TMEM163: variants seen among roughly 807,000 people sequenced by gnomAD.
TMEM163 encodes transmembrane protein 163.
A neutral mutation model predicts 29.3 loss-of-function variants in TMEM163; 17 were observed. That is an observed-to-expected ratio of 0.58 (90% CI 0.40 to 0.87). The LOEUF (loss-of-function observed/expected upper bound fraction) is 0.87, where lower values mean the gene tolerates loss of function less well. TMEM163 is among the 40% of genes least tolerant of loss of function. The pLI, the probability that TMEM163 is intolerant of heterozygous loss-of-function variation, is 0.00. For missense variants in TMEM163, 303 were observed against 381.5 expected, an observed-to-expected ratio of 0.79 and a Z score of 1.71; for synonymous variants, 157 against 160.6, an observed-to-expected ratio of 0.98 and a Z score of 0.17.
intron 4 of TMEM163, among the ~76,000 whole-genome samples, chr2:134,514,039 G>A (rs138884113): frequency 2.1e-3 from 313 of 152,302 alleles, no homozygotes; most frequent in African/African-American, 6.4e-3. Context: ...GAAGCATGCC[G>A]CGTCTTTCCA....
chr2:134,487,675 G>A (rs1352340532), intron 5 of TMEM163, among the ~76,000 whole-genome samples: 2 of 152,134 alleles, frequency 1.3e-5, no homozygotes, highest in African/African-American at 2.4e-5. Context: ...AATGACTCTA[G>A]AACAAAATGG....
chr2:134,484,417 A>T (rs1679268153), intron 5 of TMEM163, among the ~76,000 whole-genome samples: 1 of 151,980 alleles, frequency 6.6e-6, no homozygotes, highest in African/African-American at 2.4e-5. Context: ...GGTGGCTTAC[A>T]CCCATAATTC....
intron 5 of TMEM163, among the ~76,000 whole-genome samples, chr2:134,484,852 C>T (rs928180445): frequency 1.3e-5 from 2 of 152,184 alleles, no homozygotes; most frequent in Non-Finnish European, 2.9e-5. Flanking sequence ...CAAGCAGCAG[C>T]AACCTGCACA....
chr2:134,697,765 CAT>C (rs1207455548), intron 2 of TMEM163, among the ~76,000 whole-genome samples: 1 of 152,070 alleles, frequency 6.6e-6, no homozygotes, highest in African/African-American at 2.4e-5. Context: ...AAAATAAACA[CAT>C]GTGGTGAGCA....
chr2:134,571,244 T>C (rs1361987603), intron 2 of TMEM163, among the ~76,000 whole-genome samples: 2 of 152,194 alleles, frequency 1.3e-5, no homozygotes, highest in African/African-American at 4.8e-5. Flanking sequence ...AACAGAATAA[T>C]GGCTGAAATG....
At chr2:134,652,728 CTAAT>C (rs1318031031) in intron 2 of TMEM163, among the ~76,000 whole-genome samples, 1 of 130,826 alleles carries the variant, frequency 7.6e-6, no homozygotes, top group Middle Eastern at 3.5e-3. Context: ...CCATCAATAC[CTAAT>C]TTATTGAGAG....
At chr2:134,565,095 A>AG (rs1396286822) in intron 2 of TMEM163, among the ~76,000 whole-genome samples, 6 of 151,900 alleles carry the variant, frequency 3.9e-5, no homozygotes, top group Middle Eastern at 6.8e-3. Flanking sequence ...AAAATTAGCC[A>AG]GGTGTGGTAG....
intron 2 of TMEM163, among the ~76,000 whole-genome samples, chr2:134,626,094 CTTTTTTTTTT>C (rs146008537): frequency 6.0e-5 from 4 of 66,262 alleles, no homozygotes; most frequent in Admixed American, 2.1e-4. Flanking sequence ...ACTTTTCCAG[CTTTTTTTTTT>C]TTTTTTTTTT....
At chr2:134,466,383 G>A in intron 5 of TMEM163, 158 bp from the exon 6 acceptor site, 1 of 574,374 alleles carries the variant, frequency 1.7e-6, no homozygotes, top group Non-Finnish European at 3.1e-6. Flanking sequence ...CCTCAGTTAT[G>A]TGTCACCAGG....
intron 2 of TMEM163, among the ~76,000 whole-genome samples, chr2:134,638,547 C>T (rs1447090488): frequency 1.3e-5 from 2 of 151,974 alleles, no homozygotes; most frequent in Admixed American, 1.3e-4. Context: ...ATTTAGGAGG[C>T]GCTAGCAATG....
At chr2:134,546,699 G>A (rs1174207961) in intron 4 of TMEM163, among the ~76,000 whole-genome samples, 1 of 150,432 alleles carries the variant, frequency 6.6e-6, no homozygotes, top group African/African-American at 2.5e-5. Context: ...TGTAGTCCCA[G>A]CTACTTGGGA....
intron 2 of TMEM163, among the ~76,000 whole-genome samples, chr2:134,602,231 A>C (rs891700519): frequency 3.3e-5 from 5 of 152,180 alleles, no homozygotes; most frequent in African/African-American, 1.2e-4. Context: ...TTAGATGTGC[A>C]CCAATTCCAT....
intron 2 of TMEM163, among the ~76,000 whole-genome samples, chr2:134,574,346 G>GC (rs1681498417): frequency 6.6e-6 from 1 of 152,188 alleles, no homozygotes; most frequent in Admixed American, 6.5e-5. Context: ...GGATGCCTGA[G>GC]CCCAGTAGTT....
intron 2 of TMEM163, among the ~76,000 whole-genome samples, chr2:134,626,356 C>T (rs1042042760): frequency 3.9e-5 from 6 of 152,060 alleles, no homozygotes; most frequent in Non-Finnish European, 8.8e-5. Flanking sequence ...CTGCCTGCCT[C>T]GGCCTCCCAA....
At chr2:134,718,381 C>T (rs1573561016) in intron 1 of TMEM163, among the ~76,000 whole-genome samples, 1 of 152,338 alleles carries the variant, frequency 6.6e-6, no homozygotes, top group Middle Eastern at 3.4e-3. Context: ...GAGTAGGGCC[C>T]GGAGTGGCCC....
At chr2:134,684,706 A>C (rs1292010359) in intron 2 of TMEM163, among the ~76,000 whole-genome samples, 2 of 152,000 alleles carry the variant, frequency 1.3e-5, no homozygotes, top group Non-Finnish European at 2.9e-5. Context: ...CAGGTGGATC[A>C]TGAGGTCAGG....
intron 2 of TMEM163, 29 bp downstream of exon 2, chr2:134,713,171 T>C (rs1684962774): frequency 6.2e-7 from 1 of 1,608,966 alleles, no homozygotes; most frequent in Non-Finnish European, 8.5e-7. Context: ...CAGCAGCACA[T>C]ATTGGCCGAC....
chr2:134,554,833 G>A (rs1476635728), intron 2 of TMEM163, among the ~76,000 whole-genome samples: 1 of 152,146 alleles, frequency 6.6e-6, no homozygotes, highest in Non-Finnish European at 1.5e-5. Flanking sequence ...GAGCACAAGT[G>A]GAATATTAGT....
intron 2 of TMEM163, among the ~76,000 whole-genome samples, chr2:134,562,409 G>A (rs1681202358): frequency 6.6e-6 from 1 of 152,178 alleles, no homozygotes; most frequent in Admixed American, 6.5e-5. Context: ...TTTAATGTGT[G>A]ACAGTCAATT....
Sources: allele counts gnomAD v4.1 joint callset (sites outside exome capture counted in the v4.1 genomes callset), GRCh38; gene constraint gnomAD v4.1.1; transcripts MANE v1.5; gene names NCBI Gene and HGNC (gene_info 2026-07-23, HGNC 2026-07-21).